Variants in SYT2 observed in about 807,000 individuals in gnomAD.
The protein encoded by SYT2 is synaptotagmin-2.
In SYT2, 15 loss-of-function variants were observed where a neutral mutation model predicts 39.9. The ratio of observed to expected loss-of-function variants is 0.38; its 90% CI spans 0.25 to 0.58. SYT2 has a LOEUF of 0.58. SYT2 is among the 20% of genes least tolerant of loss of function. The pLI, the probability that SYT2 is intolerant of heterozygous loss-of-function variation, is 0.70. For synonymous variants in SYT2, 181 were observed against 204.5 expected, an observed-to-expected ratio of 0.89 and a Z score of 0.98; for missense variants, 389 against 530.3, an observed-to-expected ratio of 0.73 and a Z score of 2.62.
At chr1:202,687,200 T>C (rs1242105625) in intron 1 of SYT2, among the ~76,000 whole-genome samples, 1 of 152,104 alleles carries the variant, frequency 6.6e-6, no homozygotes, top group Non-Finnish European at 1.5e-5. Context: ...CACTGAGGTG[T>C]GTGTCCAGTT....
At chr1:202,710,023 AGGAGCCGGCTCCTCGCCCCTC>A (rs1447347388) in intron 1 of SYT2, among the ~76,000 whole-genome samples, 1 of 151,142 alleles carries the variant, frequency 6.6e-6, no homozygotes, top group Non-Finnish European at 1.5e-5. Flanking sequence ...AGTCCCTCAG[AGGAGCCGGCTCCTCGCCCCTC>A]GGGTCCGACT....
chr1:202,623,731 T>C lies in SYT2; in HGVS notation c.-17-17942A>G, dbSNP rs1272279983. Among the ~76,000 whole-genome samples the C allele has an allele frequency of 2.0e-5, 3 of 152,160 alleles. No individual in the cohort carries two copies. The highest frequency in any genetic ancestry group is 1.9e-4 in the East Asian group (1 of 5,188). On this transcript the variant is annotated intron_variant, in intron 1 of 8. Coordinates refer to ENST00000367268, the MANE Select transcript of SYT2 (RefSeq NM_177402.5). This position sits in a 1 kb window ranked among gnomAD's most constrained non-coding sequence, Gnocchi z 4.2. ...GAGTGTGAGGGAGGACGGGTAGGAC[T>C]GTGGGGGTCTGCCCTGGTCGTGCTC...
chr1:202,598,302 A>G (rs1165612626), intron 8 of SYT2, among the ~76,000 whole-genome samples: 1 of 152,216 alleles, frequency 6.6e-6, no homozygotes, highest in African/African-American at 2.4e-5. Flanking sequence ...AGGTAGGAAG[A>G]AGAACATTAC....
intron 2 of SYT2, chr1:202,605,046 A>C (rs1176746922): frequency 1.1e-5 from 2 of 174,680 alleles, no homozygotes; most frequent in East Asian, 3.2e-4. Context: ...ATGCATAGCC[A>C]GATAGGCAGG....
At chr1:202,610,714 C>G (rs1690863287) in intron 1 of SYT2, among the ~76,000 whole-genome samples, 1 of 152,046 alleles carries the variant, frequency 6.6e-6, no homozygotes, top group African/African-American at 2.4e-5. Flanking sequence ...GAGTGAACTC[C>G]CATTCACAAT....
At chr1:202,672,155 C>T (rs538176775) in intron 1 of SYT2, among the ~76,000 whole-genome samples, 30 of 152,176 alleles carry the variant, frequency 2.0e-4, no homozygotes, top group Non-Finnish European at 7.3e-5. Context: ...AACTGTAAAA[C>T]GTGCCACATG....
chr1:202,670,687 C>T (rs572197807), intron 1 of SYT2, among the ~76,000 whole-genome samples: 4 of 152,266 alleles, frequency 2.6e-5, no homozygotes, highest in South Asian at 2.1e-4. Flanking sequence ...CATGGGTGGG[C>T]GAGATGGGTG....
At chr1:202,684,603 G>A (rs540433686) in intron 1 of SYT2, among the ~76,000 whole-genome samples, 2 of 152,292 alleles carry the variant, frequency 1.3e-5, no homozygotes, top group African/African-American at 2.4e-5. Flanking sequence ...ACATGGGGGT[G>A]CAGGTGTCTC....
intron 1 of SYT2, among the ~76,000 whole-genome samples, chr1:202,667,677 C>A (rs1251017429): frequency 2.0e-5 from 3 of 151,964 alleles, no homozygotes; most frequent in Non-Finnish European, 4.4e-5. Flanking sequence ...CCACAGTAGG[C>A]TTCTCAGATA....
chr1:202,624,554 TGTG>T (rs978332775), intron 1 of SYT2, among the ~76,000 whole-genome samples: 1 of 121,832 alleles, frequency 8.2e-6, no homozygotes, highest in South Asian at 2.5e-4. Context: ...GTGTGGTGTG[TGTG>T]GTGTTTAGTA....
chr1:202,608,273 G>C (rs562453832), intron 1 of SYT2, among the ~76,000 whole-genome samples: 43 of 141,594 alleles, frequency 3.0e-4, no homozygotes, highest in African/African-American at 1.1e-3. Context: ...CCATTGTGTA[G>C]ATAGAAAACA....
chr1:202,602,155 G>A (rs1461103735), intron 5 of SYT2, 98 bp from the exon 6 acceptor site: 17 of 1,217,224 alleles, frequency 1.4e-5, no homozygotes, highest in South Asian at 2.7e-5. Context: ...CAGGGTCCAG[G>A]TTAGTGTGCC....
At chr1:202,646,297 A>G (rs916363882) in intron 1 of SYT2, among the ~76,000 whole-genome samples, 1 of 152,206 alleles carries the variant, frequency 6.6e-6, no homozygotes, top group Admixed American at 6.5e-5. Context: ...TTCCTGCTGC[A>G]GAGCATTTGT....
chr1:202,603,226 A>C, intron 3 of SYT2, 108 bp from the exon 4 acceptor site: 1 of 1,458,230 alleles, frequency 6.9e-7, no homozygotes, highest in Non-Finnish European at 9.3e-7. Flanking sequence ...ACCCTGACTC[A>C]GAGCTGTGTG....
At chr1:202,626,876 G>T (rs12029837) in intron 1 of SYT2, among the ~76,000 whole-genome samples, 12,132 of 152,212 alleles carry the variant, frequency 0.08, 778 homozygotes, top group East Asian at 0.32. Context: ...ACAAACCGAG[G>T]ATCAGGTGCC....
At chr1:202,604,922 T>C (rs1690651983) in intron 2 of SYT2, 2 of 331,986 alleles carry the variant, frequency 6.0e-6, no homozygotes, top group Non-Finnish European at 5.5e-6. Flanking sequence ...TCAGTTTAGC[T>C]CTATTGAGTT....
At chr1:202,636,441 G>T (rs566782) in intron 1 of SYT2, 1 of 978,430 alleles carries the variant, frequency 1.0e-6, no homozygotes, top group African/African-American at 1.8e-5. Context: ...TCAAATCATC[G>T]TCTGCCTCAT....
At chr1:202,661,894 G>T (rs542205926) in intron 1 of SYT2, among the ~76,000 whole-genome samples, 1 of 152,300 alleles carries the variant, frequency 6.6e-6, no homozygotes, top group South Asian at 2.1e-4. Context: ...CCATTCATTA[G>T]TTCACTTGTC....
intron 1 of SYT2, among the ~76,000 whole-genome samples, chr1:202,655,727 C>T (rs988802184): frequency 5.9e-5 from 9 of 152,054 alleles, no homozygotes; most frequent in African/African-American, 1.4e-4. Context: ...AATGGGCATG[C>T]GCTTGCGAGG....
Sources: allele counts gnomAD v4.1 joint callset (sites outside exome capture counted in the v4.1 genomes callset), GRCh38; gene constraint gnomAD v4.1.1; non-coding constraint Gnocchi (gnomAD v3.1); transcripts MANE v1.5; gene names NCBI Gene and HGNC (gene_info 2026-07-23, HGNC 2026-07-21).